The following COG8 variants were observed in gnomAD, a reference collection of about 807,000 sequenced individuals.
The protein encoded by COG8 is component of oligomeric golgi complex 8.
A neutral mutation model predicts 46.5 loss-of-function variants in COG8; 45 were observed. That is an observed-to-expected ratio of 0.97 (90% CI 0.76 to 1.24). COG8 has a LOEUF of 1.24. Among genes scored for constraint, COG8 ranks in the 50% most tolerant of loss-of-function variants. COG8 has a pLI of 0.00. For synonymous variants in COG8, 407 were observed against 347.8 expected, an observed-to-expected ratio of 1.17 and a Z score of -1.90; for missense variants, 793 against 820.8, an observed-to-expected ratio of 0.97 and a Z score of 0.41.
In COG8 at chr16:69,336,706, A is replaced by G. The variant is rs573017898; in HGVS notation, c.384T>C (p.Phe128=). The part of the protein sequence containing the change: ...LPSFQQSCRN[F]VKEAEEISSN... ...AGCTGATCTCCTCGGCTTCCTTCAC[A>G]AAGTTCCTAGTAATAATCAGAAGAA... The change falls in exon 2 of 6, where the codon TTT becomes TTC. Residue 128 remains phenylalanine (F), a synonymous_variant. Coordinates refer to ENST00000306875, the MANE Select transcript of COG8 (RefSeq NM_032382.5). 2.5e-6 allele frequency: 4 copies of G among 1,613,992 alleles called. No homozygotes were observed. The highest frequency in any genetic ancestry group is 2.5e-6 in the Non-Finnish European group (3 of 1,179,956).
chr16:69,331,385 G>A (rs186439067), intron 4 of COG8, among the ~76,000 whole-genome samples: 106 of 148,984 alleles, frequency 7.1e-4, no homozygotes, highest in African/African-American at 2.4e-3. Context: ...CCTAGGAGGT[G>A]GAGATTGCAG....
intron 3 of COG8, among the ~76,000 whole-genome samples, chr16:69,334,255 C>A (rs1183239992): frequency 6.6e-6 from 1 of 152,170 alleles, no homozygotes; most frequent in Non-Finnish European, 1.5e-5. Flanking sequence ...CTGGAAGCTA[C>A]TAAGTTTGTG....
Position 69,334,576 on chromosome 16 carries a change from C to A in COG8, c.1358G>T (p.Cys453Phe), listed in dbSNP as rs2012077313. The change falls in exon 3 of 6, where the codon TGC becomes TTC. Residue 453 changes from cysteine (C) to phenylalanine (F), a missense_variant. By Grantham distance (205) the Cys-to-Phe change is radical. Transcript: ENST00000306875. ...CACATCCTGCGCCAGGGCCACAGGGCAGCAGAGGCGCAGATCATTGAAGGC... is the reference window on the plus strand; with the variant it reads ...CACATCCTGCGCCAGGGCCACAGGGAAGCAGAGGCGCAGATCATTGAAGGC... ...LVAFNDLRLC[C>F]PVALAQDVTG... The A allele has an allele frequency of 6.2e-7, 1 of 1,614,186 alleles. No homozygotes were observed.
rs1238938588 is a variant in COG8, at chr16:69,326,720, G to A, written c.*2486C>T. 1.3e-5 allele frequency: 2 copies of A among 152,214 alleles called. No homozygotes were observed. Among genetic ancestry groups the A allele is most frequent in the Non-Finnish European group, 2.9e-5 (2 of 68,048 alleles). The allele number at this position is 152,214 out of a possible 1,614,324, so 9.4% of individuals were successfully genotyped here. A position where few individuals can be genotyped will look rare whatever the true frequency, so the allele number is the denominator to read the frequency against. On this transcript the variant is annotated 3_prime_UTR_variant, in exon 6 of 6. Coordinates refer to ENST00000306875, the MANE Select transcript of COG8 (RefSeq NM_032382.5). ...ATCGATGTTAAACATGCTGACATGTGCAGAGGAGTTTCCTCCCTGAAATGC... is the reference window on the plus strand; with the variant it reads ...ATCGATGTTAAACATGCTGACATGTACAGAGGAGTTTCCTCCCTGAAATGC...
At position 69,326,978 on chromosome 16, in the gene COG8, T is replaced by C. The variant is rs935321788; in HGVS notation, c.*2228A>G. 2.0e-5 allele frequency: 3 copies of C among 152,160 alleles called. No individual in the cohort carries two copies. The South Asian group carries it at 6.2e-4, about 32-fold the overall frequency. 9.4% of individuals were successfully genotyped at this position (152,160 alleles called of 1,614,324 possible). The stretch of plus-strand genomic sequence containing the variant: ...CAAAAGCGTTAACCTCAGAAAGCTA[T>C]AAGAAGCATCAAAAGATTGCCATAG... On this transcript the variant is annotated 3_prime_UTR_variant, in exon 6 of 6. Coordinates refer to ENST00000306875, the MANE Select transcript of COG8 (RefSeq NM_032382.5).
chr16:69,330,447 G>T, intron 5 of COG8: 1 of 1,473,268 alleles, frequency 6.8e-7, no homozygotes, highest in Non-Finnish European at 8.9e-7. Context: ...CGCAGCGCCG[G>T]GCCCTCGACG....
At position 69,330,864 on chromosome 16, in the gene COG8, G is replaced by T; in HGVS notation, c.1814C>A (p.Ala605Asp). 1 of 1,543,332 alleles carries T rather than the reference G, an allele frequency of 6.5e-7. No homozygotes were observed. The highest frequency in any genetic ancestry group is 8.7e-7 in the Non-Finnish European group (1 of 1,145,438). Residue 605 changes from alanine to aspartate, a missense_variant, in exon 5 of 6, where the codon GCC becomes GAC. Ala to Asp is a moderately radical substitution (Grantham distance 126). Transcript: ENST00000306875. ...CTAGGGCCCCACGCTGGGCGGTTCG[G>T]CCTGCGTCTCCGCTCGCCCTCCCTC... is the stretch of plus-strand genomic sequence containing the variant. ...CPEGGRAETQ[A>D]EPPSVGP
chr16:69,334,911 G>T lies in COG8; in HGVS notation c.1023C>A (p.His341Gln), dbSNP rs2012105893. ...TGCACTGGCCCAGCAGAGAGTCCAG[G>T]TGGCCGCCTATGCCCCGGTAAAGGT... is the stretch of plus-strand genomic sequence containing the variant. ...ETDLYRGIGG[H>Q]LDSLLGQCMY... Residue 341 changes from histidine to glutamine, a missense_variant, in exon 3 of 6, where the codon CAC becomes CAA. By Grantham distance (24) the His-to-Gln change is conservative. Transcript: ENST00000306875. 1 of 1,614,054 alleles carries T rather than the reference G, an allele frequency of 6.2e-7. No homozygotes were observed. Among genetic ancestry groups the T allele is most frequent in the East Asian group, 2.2e-5 (1 of 44,884 alleles).
chr16:69,332,807 G>A lies in COG8; in HGVS notation c.1489C>T (p.Gln497Ter). 6.2e-7 allele frequency: 1 copy of A among 1,614,180 alleles called. No homozygotes were observed. Among genetic ancestry groups the A allele is most frequent in the Non-Finnish European group, 8.5e-7 (1 of 1,180,000 alleles). The change falls in exon 4 of 6, where the codon CAG (glutamine) becomes TAG (stop). Residue 497 changes from glutamine (Q) to a stop codon, truncating the protein, a stop_gained. Transcript: ENST00000306875. LOFTEE classifies it high-confidence loss of function. ...TCTTCCAGGAAGACAGTGCAGAACT[G>A]GACAAAGAGCTCTTGCTCCCCGCTG... The part of the protein sequence containing the change: ...FSSGEQELFV[Q>*]FCTVFLEDLV...
chr16:69,330,281 T>C, intron 5 of COG8: 1 of 1,433,548 alleles, frequency 7.0e-7, no homozygotes, highest in Non-Finnish European at 9.1e-7. Context: ...GACCAGCCGT[T>C]GCGTCAGCCG....
At position 69,339,502 on chromosome 16, in the gene COG8, A is replaced by T. The variant is rs751192570; in HGVS notation, c.51T>A (p.Ala17=). Residue 17 remains alanine (A), a synonymous_variant, in exon 1 of 6, where the codon GCT becomes GCA. Coordinates refer to ENST00000306875, the MANE Select transcript of COG8 (RefSeq NM_032382.5). The part of the protein sequence containing the change: ...IPSVATATAA[A]LGEVEDEGLL... ...GCCCTTCATCCTCCACCTCGCCGAG[A>T]GCCGCTGCTGTGGCCGTGGCTACCG... 12 of 1,607,106 alleles carry T rather than the reference A, an allele frequency of 7.5e-6. No homozygotes were observed. The Admixed American group carries it at 2.0e-4, about 27-fold the overall frequency.
chr16:69,330,800 G>C lies in COG8; in HGVS notation c.*26+13C>G, dbSNP rs2011761141. On this transcript the variant is annotated intron_variant, in intron 5 of 5. Coordinates refer to ENST00000306875, the MANE Select transcript of COG8 (RefSeq NM_032382.5). ...GGCAGTCCTGGCCACCCCGCGCCGG[G>C]AACCTCACGCACCGCGTTCTGGAGG... 2 of 1,518,214 alleles carry C rather than the reference G, an allele frequency of 1.3e-6. No individual in the cohort carries two copies. The highest frequency in any genetic ancestry group is 1.8e-6 in the Non-Finnish European group (2 of 1,138,940). The allele number at this position is 1,518,214 out of a possible 1,614,324, so 94.0% of individuals were successfully genotyped here.
chr16:69,329,108 T>C lies in COG8; in HGVS notation c.*98A>G, dbSNP rs745624334. On this transcript the variant is annotated 3_prime_UTR_variant, in exon 6 of 6. Transcript: ENST00000306875. ...AACAGGCAGCCCTGCAGGTGGTCCA[T>C]CTCGTGCTGGATGATGCGGGCTGCC... 12 of 1,611,468 alleles carry C rather than the reference T, an allele frequency of 7.4e-6. No homozygotes were observed. In the South Asian group the frequency reaches 8.8e-5, roughly 12 times the overall value.
At chr16:69,336,418 G>C (rs2012207801) in intron 2 of COG8, 87 bp downstream of exon 2, 1 of 1,252,902 alleles carries the variant, frequency 8.0e-7, no homozygotes, top group African/African-American at 1.5e-5. Flanking sequence ...AAACATGCAA[G>C]AGTTTCTACC....
chr16:69,334,332 C>T (rs1309008247), intron 3 of COG8, among the ~76,000 whole-genome samples, 189 bp downstream of exon 3: 1 of 152,354 alleles, frequency 6.6e-6, no homozygotes, highest in East Asian at 1.9e-4. Flanking sequence ...AGGCAAATCA[C>T]TTCATGGACT....
intron 2 of COG8, 78 bp from the exon 3 acceptor site, chr16:69,335,426 C>T (rs2012155727): frequency 1.7e-6 from 2 of 1,171,908 alleles, no homozygotes; most frequent in Admixed American, 2.0e-5. Context: ...CTGAAGACTG[C>T]AGACCAACAT....
intron 1 of COG8, among the ~76,000 whole-genome samples, chr16:69,336,913 A>G (rs973887575): frequency 6.6e-6 from 1 of 152,188 alleles, no homozygotes; most frequent in African/African-American, 2.4e-5. Flanking sequence ...AAAACATACA[A>G]TTAATAAATC....
Position 69,330,905 on chromosome 16 carries a change from C to G in COG8, c.1773G>C (p.Ala591=), listed in dbSNP as rs1313211172. ...GCCCTCCCTCCGGGCAGGCTGGGCC[C>G]GCGGGCTCCAGGCGTGGCTCCTCGG... ...PPAEEPRLEP[A]GPACPEGGRA... The change falls in exon 5 of 6, where the codon GCG becomes GCC. Residue 591 remains alanine (A), a synonymous_variant. Coordinates refer to ENST00000306875, the MANE Select transcript of COG8 (RefSeq NM_032382.5). 1.3e-6 allele frequency: 2 copies of G among 1,553,184 alleles called. No homozygotes were observed. Among genetic ancestry groups the G allele is most frequent in the Admixed American group, 2.0e-5 (1 of 51,140 alleles).
intron 5 of COG8, chr16:69,330,250 GCGC>G (rs957853007): frequency 2.0e-5 from 29 of 1,436,870 alleles, no homozygotes; most frequent in East Asian, 3.0e-5. Flanking sequence ...GGCCCACGCA[GCGC>G]CGCCGCCGCA....
Sources: gnomAD v4.1 joint callset for allele counts (sites outside exome capture counted in the v4.1 genomes callset) on GRCh38, gnomAD v4.1.1 for gene constraint, MANE v1.5 for transcripts, NCBI Gene and HGNC (gene_info 2026-07-23, HGNC 2026-07-21) for gene names.